SPON1: variants seen among roughly 807,000 people sequenced by gnomAD.
SPON1 encodes the protein spondin-1.
A neutral mutation model predicts 111.7 loss-of-function variants in SPON1; 52 were observed. The observed-to-expected ratio is 0.47, with a 90% CI of 0.37 to 0.59. The LOEUF is 0.59. Among genes scored for constraint, SPON1 ranks in the 20% least tolerant of loss-of-function variants. The probability of loss-of-function intolerance (pLI) is 0.00; values close to 1 mark genes in which losing one functional copy is unlikely to be tolerated. For missense variants in SPON1, 957 were observed against 1,068.5 expected (o/e 0.90, Z 1.46); for synonymous variants, 410 against 395.8 (o/e 1.04, Z -0.43).
intron 15 of SPON1, among the ~76,000 whole-genome samples, chr11:14,264,096 A>AGAT (rs1849228184): frequency 1.3e-5 from 2 of 152,134 alleles, no homozygotes; most frequent in Admixed American, 6.5e-5. Context: ...AAAGGCACAG[A>AGAT]GATGCCAAAG....
rs782617377 is a variant in SPON1 at position 14,075,328 on chromosome 11, G to A, written c.480-17G>A. The A allele has an allele frequency of 7.1e-6, 11 of 1,552,872 alleles. No homozygotes were observed. The East Asian group carries it at 2.7e-4, about 37-fold the overall frequency. On this transcript the variant is annotated splice_polypyrimidine_tract_variant and intron_variant, in intron 3 of 15. Coordinates refer to ENST00000576479, the MANE Select transcript of SPON1 (RefSeq NM_006108.4). ...CTGCCCTCCTCACCACTGTGCTTGG[G>A]TCTTCTTTCTTCACAGGGCCAGCAT...
chr11:14,097,997 C>T (rs782046694), intron 5 of SPON1, among the ~76,000 whole-genome samples: 1 of 152,002 alleles, frequency 6.6e-6, no homozygotes, highest in Non-Finnish European at 1.5e-5. Context: ...ATGGGTGTTG[C>T]ATTTTTCTTT....
chr11:14,183,454 G>A (rs909257571), intron 6 of SPON1, among the ~76,000 whole-genome samples: 2 of 152,210 alleles, frequency 1.3e-5, no homozygotes, highest in East Asian at 3.8e-4. Context: ...ACAATGTCTG[G>A]TTAATATGCC....
At chr11:14,102,276 G>A (rs1316725355) in intron 5 of SPON1, among the ~76,000 whole-genome samples, 1 of 151,974 alleles carries the variant, frequency 6.6e-6, no homozygotes, top group Non-Finnish European at 1.5e-5. Context: ...GTAATTTCAA[G>A]TGTTCTAATA....
chr11:13,984,821 C>T (rs782719061), intron 2 of SPON1, among the ~76,000 whole-genome samples: 16 of 152,150 alleles, frequency 1.1e-4, no homozygotes, highest in East Asian at 5.8e-4. Flanking sequence ...TAGTGGGCAG[C>T]GCATAAATAT....
intron 3 of SPON1, among the ~76,000 whole-genome samples, chr11:14,053,620 T>C (rs1408923161): frequency 6.6e-6 from 1 of 152,234 alleles, no homozygotes; most frequent in Non-Finnish European, 1.5e-5. Context: ...CATGGTATTA[T>C]TCCTACATTA....
In SPON1 at chr11:14,228,071, T is replaced by A. The variant is rs962699516; in HGVS notation, c.826-15261T>A. Reference sequence around the variant, plus strand: ...AACTGCAAACACTTTAAATGCTAATTAAGAACATTGCTTTAATGTGATGGG... The same window carrying A: ...AACTGCAAACACTTTAAATGCTAATAAAGAACATTGCTTTAATGTGATGGG... On this transcript the variant is annotated intron_variant, in intron 6 of 15. Transcript: ENST00000576479. The surrounding 1 kb of genome is among the most constrained non-coding windows in gnomAD (Gnocchi z 4.2). Among the ~76,000 whole-genome samples, 1 of 152,218 alleles carries A rather than the reference T, an allele frequency of 6.6e-6. No individual in the cohort carries two copies. The highest frequency in any genetic ancestry group is 1.5e-5 in the Non-Finnish European group (1 of 68,038).
chr11:14,249,034 C>T (rs551484137), intron 7 of SPON1, among the ~76,000 whole-genome samples: 1 of 152,344 alleles, frequency 6.6e-6, no homozygotes, highest in East Asian at 1.9e-4. Flanking sequence ...GTCCATCATC[C>T]AGTTCCTCCA....
chr11:14,033,480 A>G (rs1350374145), intron 2 of SPON1, among the ~76,000 whole-genome samples: 1 of 152,162 alleles, frequency 6.6e-6, no homozygotes, highest in Non-Finnish European at 1.5e-5. Flanking sequence ...AATCCAGATC[A>G]GAGTTGAGGA....
At chr11:14,036,965 C>G (rs940486831) in intron 2 of SPON1, among the ~76,000 whole-genome samples, 4 of 152,024 alleles carry the variant, frequency 2.6e-5, no homozygotes, top group African/African-American at 9.7e-5. Context: ...TGAAAATACA[C>G]AGAACTGGGT....
At chr11:14,016,365 A>G (rs1292991215) in intron 2 of SPON1, among the ~76,000 whole-genome samples, 1 of 152,250 alleles carries the variant, frequency 6.6e-6, no homozygotes, top group Non-Finnish European at 1.5e-5. Flanking sequence ...AGAAAGTTTA[A>G]CTGGTGAAAC....
rs1564918890 is a variant in SPON1, at chr11:14,160,454, T to TA, written c.825+24886_825+24887insA. ...ATTTATATATATATTTATATATATA[T>TA]TTATATATATATATTTATATATATA... On this transcript the variant is annotated intron_variant, in intron 6 of 15. Coordinates refer to ENST00000576479, the MANE Select transcript of SPON1 (RefSeq NM_006108.4). 3.9e-3 allele frequency among the ~76,000 whole-genome samples: 93 copies of TA among 23,596 alleles called. 7 individuals carry two copies. Among genetic ancestry groups the TA allele is most frequent in the African/African-American group, 0.018 (90 of 4,904 alleles). The allele number at this position is 23,596 out of a possible 152,430, so 15.5% of individuals were successfully genotyped here. A position where few individuals can be genotyped will look rare whatever the true frequency, so the allele number is the denominator to read the frequency against.
chr11:14,056,449 A>G (rs573892307), intron 3 of SPON1, among the ~76,000 whole-genome samples: 1 of 151,690 alleles, frequency 6.6e-6, no homozygotes, highest in Non-Finnish European at 1.5e-5. Flanking sequence ...TCAAGCTTCA[A>G]AAACTGTTTA....
chr11:14,100,135 C>G (rs1849131988), intron 5 of SPON1, among the ~76,000 whole-genome samples: 2 of 119,018 alleles, frequency 1.7e-5, no homozygotes, highest in South Asian at 8.1e-4. Context: ...CTTTTTTGTA[C>G]TTACTGAGTT....
intron 5 of SPON1, among the ~76,000 whole-genome samples, chr11:14,116,526 G>A (rs74638907): frequency 0.021 from 3,246 of 152,172 alleles, 111 homozygotes; most frequent in African/African-American, 0.074. Context: ...CATACATCAA[G>A]TGACTGTACA....
intron 5 of SPON1, among the ~76,000 whole-genome samples, chr11:14,101,928 A>G (rs1849146984): frequency 1.3e-5 from 2 of 152,226 alleles, no homozygotes; most frequent in African/African-American, 4.8e-5. Context: ...CTGTCACCAG[A>G]TTCCACAGTT....
chr11:14,023,697 G>A (rs963241730), intron 2 of SPON1, among the ~76,000 whole-genome samples: 6 of 152,144 alleles, frequency 3.9e-5, no homozygotes, highest in Non-Finnish European at 8.8e-5. Flanking sequence ...GGAAAGGAGG[G>A]AAGAGCAGTA....
intron 3 of SPON1, among the ~76,000 whole-genome samples, chr11:14,050,873 C>T (rs1554918474): frequency 6.6e-6 from 1 of 152,192 alleles, no homozygotes; most frequent in Non-Finnish European, 1.5e-5. Flanking sequence ...TCCTCCACTT[C>T]TGAGATGCAT....
At chr11:14,258,238 C>T (rs144258647) in intron 11 of SPON1, among the ~76,000 whole-genome samples, 49 of 152,346 alleles carry the variant, frequency 3.2e-4, no homozygotes, top group African/African-American at 1.1e-3. Context: ...AACAGTCAGC[C>T]CAGATTGAAT....
Sources: gnomAD v4.1 joint callset for allele counts (sites outside exome capture counted in the v4.1 genomes callset) on GRCh38, gnomAD v4.1.1 for gene constraint, Gnocchi (gnomAD v3.1) non-coding constraint, MANE v1.5 for transcripts, NCBI Gene and HGNC (gene_info 2026-07-23, HGNC 2026-07-21) for gene names.